Variants in IQCM observed in about 807,000 individuals in gnomAD.
IQCM encodes IQ motif containing M.
A neutral mutation model predicts 57.6 loss-of-function variants in IQCM; 45 were observed. That is an observed-to-expected ratio of 0.78 (90% confidence interval 0.62 to 1.00). The LOEUF is 1.00. Ranked by LOEUF, IQCM falls within the 50% of genes least tolerant of loss-of-function variation. The pLI is 0.00. For missense variants in IQCM, 468 were observed against 511.6 expected (o/e 0.91, Z 0.82); for synonymous variants, 148 against 158.9 (o/e 0.93, Z 0.51).
rs78060602 is a variant in IQCM at position 149,547,639 on chromosome 4, T to C, written c.1228+816A>G. Reference sequence around the variant, plus strand: ...TGAAATTAGCTAGGAGAAGAGTTCTTATGTGTCCTCACCACACACTCACAC... The same window carrying C: ...TGAAATTAGCTAGGAGAAGAGTTCTCATGTGTCCTCACCACACACTCACAC... On this transcript the variant is annotated intron_variant, in intron 12 of 13. Coordinates refer to ENST00000636793, the MANE Select transcript of IQCM (RefSeq NM_001363507.2). 7.1e-4 allele frequency among the ~76,000 whole-genome samples: 108 copies of C among 152,268 alleles called. 1 individual carries two copies. In the East Asian group the frequency reaches 0.02, roughly 29 times the overall value.
intron 8 of IQCM, among the ~76,000 whole-genome samples, chr4:149,620,606 T>G (rs1445916406): frequency 6.6e-6 from 1 of 152,256 alleles, no homozygotes; most frequent in Non-Finnish European, 1.5e-5. Flanking sequence ...ATGTATATAT[T>G]AGGACTTGCT....
chr4:149,484,188 G>T (rs1208892042), intron 12 of IQCM, among the ~76,000 whole-genome samples: 1 of 151,914 alleles, frequency 6.6e-6, no homozygotes, highest in Non-Finnish European at 1.5e-5. Context: ...CAGCCTGTGT[G>T]TATCTTGACA....
At chr4:149,513,527 T>G (rs1369337091) in intron 12 of IQCM, among the ~76,000 whole-genome samples, 1 of 152,194 alleles carries the variant, frequency 6.6e-6, no homozygotes, top group African/African-American at 2.4e-5. Flanking sequence ...TCCAAAATTA[T>G]TCTAGTGTAT....
chr4:149,589,350 T>C (rs1752918621), intron 8 of IQCM, among the ~76,000 whole-genome samples: 1 of 151,964 alleles, frequency 6.6e-6, no homozygotes, highest in South Asian at 2.1e-4. Context: ...ATTATTTTAG[T>C]TTTGCATTTT....
chr4:149,533,531 C>T (rs375675310), intron 12 of IQCM, among the ~76,000 whole-genome samples: 105 of 152,056 alleles, frequency 6.9e-4, no homozygotes, highest in African/African-American at 2.4e-3. Context: ...AAAGACATAC[C>T]CGAGACTGGG....
intron 13 of IQCM, among the ~76,000 whole-genome samples, chr4:149,356,108 A>G (rs1728956343): frequency 6.6e-6 from 1 of 151,804 alleles, no homozygotes. Context: ...TTTTTCTTGT[A>G]AATTTGTTTG....
intron 2 of IQCM, among the ~76,000 whole-genome samples, chr4:149,806,967 C>T (rs987999440): frequency 4.6e-5 from 7 of 151,760 alleles, no homozygotes; most frequent in African/African-American, 1.7e-4. Context: ...GGTGAAAAAT[C>T]TCTAAAAGAA....
chr4:149,419,229 A>G (rs1203992734), intron 13 of IQCM, among the ~76,000 whole-genome samples: 1 of 152,008 alleles, frequency 6.6e-6, no homozygotes, highest in Admixed American at 6.6e-5. Context: ...TCATGCTACC[A>G]GACTTGAAAC....
At chr4:149,534,550 C>T (rs959247120) in intron 12 of IQCM, among the ~76,000 whole-genome samples, 1 of 152,060 alleles carries the variant, frequency 6.6e-6, no homozygotes, top group Admixed American at 6.6e-5. Context: ...GGACCCTCAT[C>T]ATGCTAAAAT....
At chr4:149,661,701 T>C (rs1039563856) in intron 7 of IQCM, among the ~76,000 whole-genome samples, 1 of 152,112 alleles carries the variant, frequency 6.6e-6, no homozygotes, top group African/African-American at 2.4e-5. Flanking sequence ...TGTCTAGGAA[T>C]TTATATGTTT....
At chr4:149,500,235 A>T (rs1447484110) in intron 12 of IQCM, among the ~76,000 whole-genome samples, 1 of 152,334 alleles carries the variant, frequency 6.6e-6, no homozygotes, top group East Asian at 1.9e-4. Context: ...ATCTCTGCAG[A>T]GGAACAATTT....
At chr4:149,609,581 A>T (rs984929039) in intron 8 of IQCM, among the ~76,000 whole-genome samples, 1 of 151,958 alleles carries the variant, frequency 6.6e-6, no homozygotes, top group African/African-American at 2.4e-5. Flanking sequence ...AGATGGCAAA[A>T]CACACAGATT....
At chr4:149,398,905 G>T (rs1310005834) in intron 13 of IQCM, among the ~76,000 whole-genome samples, 2 of 151,490 alleles carry the variant, frequency 1.3e-5, no homozygotes, top group Non-Finnish European at 2.9e-5. Flanking sequence ...TTTTATTTTT[G>T]TTTGTTTTTA....
At chr4:149,559,854 G>C (rs1749950339) in intron 10 of IQCM, among the ~76,000 whole-genome samples, 1 of 152,224 alleles carries the variant, frequency 6.6e-6, no homozygotes, top group Non-Finnish European at 1.5e-5. Flanking sequence ...GTGGGTGAGA[G>C]AGCATTACTG....
At chr4:149,366,767 A>T (rs925732038) in intron 13 of IQCM, among the ~76,000 whole-genome samples, 4 of 151,960 alleles carry the variant, frequency 2.6e-5, no homozygotes, top group African/African-American at 9.7e-5. Context: ...CATTAAAAAA[A>T]GATATGGTTT....
At chr4:149,672,250 G>A (rs570133216) in intron 7 of IQCM, among the ~76,000 whole-genome samples, 14 of 152,302 alleles carry the variant, frequency 9.2e-5, no homozygotes, top group East Asian at 3.9e-4. Context: ...CGCCAGCAAC[G>A]GAACAAAGCT....
intron 12 of IQCM, among the ~76,000 whole-genome samples, chr4:149,498,345 C>G (rs1742883677): frequency 6.6e-6 from 1 of 152,138 alleles, no homozygotes; most frequent in African/African-American, 2.4e-5. Flanking sequence ...GGAACTGAGA[C>G]AAGTGGTAGA....
At chr4:149,572,786 A>G (rs1295807202) in intron 9 of IQCM, among the ~76,000 whole-genome samples, 3 of 152,038 alleles carry the variant, frequency 2.0e-5, no homozygotes, top group Non-Finnish European at 1.5e-5. Flanking sequence ...ATTTTAAGTT[A>G]AAATAGAAAT....
intron 7 of IQCM, among the ~76,000 whole-genome samples, chr4:149,678,784 C>T (rs1410320714): frequency 6.6e-6 from 1 of 150,944 alleles, no homozygotes; most frequent in East Asian, 1.9e-4. Context: ...GGCCAATAGG[C>T]ATATGAAAAA....
Sources: allele counts gnomAD v4.1 joint callset (sites outside exome capture counted in the v4.1 genomes callset), GRCh38; gene constraint gnomAD v4.1.1; transcripts MANE v1.5; gene names NCBI Gene and HGNC (gene_info 2026-07-23, HGNC 2026-07-21).